Variants in RIMOC1 observed in about 807,000 individuals in gnomAD.
RIMOC1 encodes RAB7A-interacting MON1-CCZ1 complex subunit 1.
chr5:41,913,920 A>T, the RIMOC1 span, among the ~76,000 whole-genome samples: 1 of 152,332 alleles, frequency 6.6e-6, no homozygotes, highest in South Asian at 2.1e-4. Flanking sequence ...GTTATTAGTT[A>T]TTTCAGATAA....
chr5:41,917,420 C>T, the RIMOC1 span: 1 of 1,399,320 alleles, frequency 7.1e-7, no homozygotes. Flanking sequence ...ATAAAGATAT[C>T]CAGCTTGGGT....
chr5:41,911,393 T>C, the RIMOC1 span: 1 of 327,924 alleles, frequency 3.0e-6, no homozygotes, highest in Non-Finnish European at 5.4e-6. Context: ...CGAAGTTCTT[T>C]TTTTAAGGAT....
the RIMOC1 span, among the ~76,000 whole-genome samples, chr5:41,910,826 G>A: frequency 1.5e-4 from 23 of 152,070 alleles, no homozygotes; most frequent in East Asian, 4.4e-3. Context: ...AAATTATTTT[G>A]TAAAACTACT....
chr5:41,913,133 T>C, the RIMOC1 span, among the ~76,000 whole-genome samples: 1 of 152,198 alleles, frequency 6.6e-6, no homozygotes, highest in Non-Finnish European at 1.5e-5. Context: ...TCACCTGTGT[T>C]TCAGGCTACA....
At chr5:41,920,650 G>C in the RIMOC1 span, 22 of 152,232 alleles carry the variant, frequency 1.4e-4, no homozygotes, top group East Asian at 3.9e-3. Flanking sequence ...CATATTTAGG[G>C]GTGGTTGGGA....
chr5:41,913,464 A>G, the RIMOC1 span, among the ~76,000 whole-genome samples: 1 of 152,204 alleles, frequency 6.6e-6, no homozygotes, highest in Non-Finnish European at 1.5e-5. Context: ...TGAGGAGAGA[A>G]GAACCACTTA....
the RIMOC1 span, chr5:41,919,938 G>A: frequency 6.6e-6 from 1 of 152,018 alleles, no homozygotes; most frequent in Non-Finnish European, 1.5e-5. Context: ...TGCATGGTAG[G>A]CCCTTAGTAA....
the RIMOC1 span, chr5:41,904,497 G>A: frequency 2.4e-4 from 391 of 1,599,116 alleles, no homozygotes; most frequent in Non-Finnish European, 4.4e-5. Flanking sequence ...GGAGGCGGGC[G>A]GGGCAGACGG....
chr5:41,912,079 A>G, the RIMOC1 span: 1,076 of 1,598,222 alleles, frequency 6.7e-4, 13 homozygotes, highest in South Asian at 0.01. Context: ...TACCTTCTTG[A>G]TGGAATCAGT....
chr5:41,912,062 T>C, the RIMOC1 span: 2 of 1,530,640 alleles, frequency 1.3e-6, no homozygotes, highest in African/African-American at 1.4e-5. Context: ...CTCTGACTTT[T>C]ATTTAGTACC....
the RIMOC1 span, chr5:41,921,156 C>A: frequency 6.6e-6 from 1 of 152,536 alleles, no homozygotes; most frequent in Non-Finnish European, 1.5e-5. Flanking sequence ...AGGTGAGGGT[C>A]GTGGCTAAAA....
At chr5:41,917,086 T>C in the RIMOC1 span, 3 of 1,613,834 alleles carry the variant, frequency 1.9e-6, no homozygotes, top group Non-Finnish European at 2.5e-6. Context: ...GATCGAAGTA[T>C]TGTGCTGATC....
At chr5:41,907,024 G>A in the RIMOC1 span, among the ~76,000 whole-genome samples, 77 of 152,122 alleles carry the variant, frequency 5.1e-4, no homozygotes, top group African/African-American at 1.7e-3. Flanking sequence ...AAGAAAAGGT[G>A]AAATCACAGA....
chr5:41,919,082 C>G, the RIMOC1 span: 1 of 151,824 alleles, frequency 6.6e-6, no homozygotes, highest in Non-Finnish European at 1.5e-5. Flanking sequence ...TAATAACAGA[C>G]TGAGTCTCAA....
At chr5:41,914,954 A>C in the RIMOC1 span, among the ~76,000 whole-genome samples, 2 of 152,246 alleles carry the variant, frequency 1.3e-5, no homozygotes, top group South Asian at 4.1e-4. Context: ...TAGGGAGAAA[A>C]GTTCTATATG....
At chr5:41,911,188 A>G in the RIMOC1 span, 1 of 1,591,096 alleles carries the variant, frequency 6.3e-7, no homozygotes, top group Admixed American at 1.9e-5. Context: ...AGGTAAGAAG[A>G]CATTCCTTAC....
chr5:41,909,667 G>C, the RIMOC1 span: 8 of 1,037,964 alleles, frequency 7.7e-6, no homozygotes, highest in Non-Finnish European at 1.1e-5. Flanking sequence ...GCACCTATGT[G>C]TGCAAGGTTA....
the RIMOC1 span, chr5:41,917,550 T>C: frequency 0.062 from 70,866 of 1,137,246 alleles, 2,798 homozygotes; most frequent in African/African-American, 0.17. Context: ...GTTATGTCAC[T>C]AATAATGAGT....
the RIMOC1 span, among the ~76,000 whole-genome samples, chr5:41,915,867 C>T: frequency 6.6e-6 from 1 of 152,004 alleles, no homozygotes; most frequent in South Asian, 2.1e-4. Flanking sequence ...TGTTGTTTCT[C>T]TTGCTACTCT....
Sources: allele counts gnomAD v4.1 joint callset (sites outside exome capture counted in the v4.1 genomes callset), GRCh38; gene constraint gnomAD v4.1.1; transcripts MANE v1.5; gene names NCBI Gene and HGNC (gene_info 2026-07-23, HGNC 2026-07-21).